PCDHGA2: variants seen among roughly 807,000 people sequenced by gnomAD.
PCDHGA2 encodes the protein protocadherin gamma subfamily A, 2.
In PCDHGA2, 40 loss-of-function variants were observed where a neutral mutation model predicts 59.2. That is an observed-to-expected ratio of 0.68 (90% CI 0.52 to 0.88). The LOEUF (loss-of-function observed/expected upper bound fraction) is 0.88, where lower values mean the gene tolerates loss of function less well. Among genes scored for constraint, PCDHGA2 ranks in the 40% least tolerant of loss-of-function variants. PCDHGA2 has a pLI of 0.00. For missense variants in PCDHGA2, 1,226 were observed against 1,204.0 expected, an observed-to-expected ratio of 1.02 and a Z score of -0.27; for synonymous variants, 560 against 526.0, an observed-to-expected ratio of 1.06 and a Z score of -0.89.
chr5:141,424,860 A>C (rs2154550951), intron 1 of PCDHGA2, among the ~76,000 whole-genome samples: 1 of 152,340 alleles, frequency 6.6e-6, no homozygotes. Flanking sequence ...TGTCTAGGAA[A>C]GCCAAATGAG....
intron 1 of PCDHGA2, among the ~76,000 whole-genome samples, chr5:141,483,913 C>G (rs988014158): frequency 6.7e-6 from 1 of 148,188 alleles, no homozygotes; most frequent in African/African-American, 2.5e-5. Context: ...GTTTCCCACT[C>G]AGATTGCAGG....
chr5:141,432,863 T>C lies in PCDHGA2; in HGVS notation c.2425-61944T>C, dbSNP rs762979829. On this transcript the variant is annotated intron_variant, in intron 1 of 3. Coordinates refer to ENST00000394576, the MANE Select transcript of PCDHGA2 (RefSeq NM_018915.4). This position sits in a 1 kb window ranked among gnomAD's most constrained non-coding sequence, Gnocchi z 6.0. ...GGTGGTAGCGGTGGCCGCGGTCTCCTGCGTCTTCCTGGCCTTCGTCATCTT... is the reference window on the plus strand; with the variant it reads ...GGTGGTAGCGGTGGCCGCGGTCTCCCGCGTCTTCCTGGCCTTCGTCATCTT... 20 of 1,614,192 alleles carry C rather than the reference T, an allele frequency of 1.2e-5. No individual in the cohort carries two copies. Among genetic ancestry groups the C allele is most frequent in the Admixed American group, 6.7e-5 (4 of 60,032 alleles).
chr5:141,475,935 C>CCCGT, intron 1 of PCDHGA2: 1 of 669,050 alleles, frequency 1.5e-6, no homozygotes, highest in Middle Eastern at 4.2e-4. Flanking sequence ...CGGGCCCCTG[C>CCCGT]CCGTCCCCTT....
chr5:141,421,854 C>CCTG (rs761444125), intron 1 of PCDHGA2: 2 of 1,613,762 alleles, frequency 1.2e-6, no homozygotes, highest in Non-Finnish European at 1.7e-6. Flanking sequence ...AGGCTGCTCA[C>CCTG]CTGCTCCTCC....
chr5:141,491,006 T>C lies in PCDHGA2; in HGVS notation c.2425-3801T>C. The C allele has an allele frequency of 6.2e-7, 1 of 1,614,062 alleles. No homozygotes were observed. Among genetic ancestry groups the C allele is most frequent in the Non-Finnish European group, 8.5e-7 (1 of 1,180,028 alleles). ...CGCTCTGCTCCTCCTGGCTCCTTGG[T>C]CACCAAGGTGACAGCCGTGGATGCT... On this transcript the variant is annotated intron_variant, in intron 1 of 3. Transcript: ENST00000394576. This position sits in a 1 kb window ranked among gnomAD's most constrained non-coding sequence, Gnocchi z 6.9.
In PCDHGA2 at chr5:141,376,747, C is replaced by A. The variant is rs532627412; in HGVS notation, c.2424+35352C>A. 2,536 of 471,218 alleles carry A rather than the reference C, an allele frequency of 5.4e-3. 48 individuals carry two copies. The highest frequency in any genetic ancestry group is 0.052 in the African/African-American group (2,354 of 45,460). The allele number at this position is 471,218 out of a possible 1,614,324, so 29.2% of individuals were successfully genotyped here. ...CAGGCCGGACTGCGGACTGCAGTGG[C>A]GCAATCTCGGCTCACTGCAAGCTCC... On this transcript the variant is annotated intron_variant, in intron 1 of 3. Transcript: ENST00000394576.
Position 141,339,586 on chromosome 5 carries a change from G to A in PCDHGA2, c.615G>A (p.Glu205=). Residue 205 remains glutamate (E), a synonymous_variant, in exon 1 of 4, where the codon GAG becomes GAA. Transcript: ENST00000394576. ...VLERSLDREE[E]AVHHLVLVAS... is the part of the protein sequence containing the mutation. The stretch of plus-strand genomic sequence containing the variant: ...AGCGCTCTCTGGACCGCGAGGAAGA[G>A]GCTGTTCACCACCTCGTTCTCGTGG... 3.7e-6 allele frequency: 6 copies of A among 1,614,190 alleles called. No homozygotes were observed. Among genetic ancestry groups the A allele is most frequent in the East Asian group, 2.2e-5 (1 of 44,876 alleles).
At chr5:141,349,617 A>G (rs975826979) in intron 1 of PCDHGA2, among the ~76,000 whole-genome samples, 2 of 152,172 alleles carry the variant, frequency 1.3e-5, no homozygotes, top group African/African-American at 4.8e-5. Flanking sequence ...GTATTACTGA[A>G]TTGATAACAT....
chr5:141,376,156 G>C, intron 1 of PCDHGA2: 2 of 1,614,074 alleles, frequency 1.2e-6, no homozygotes, highest in South Asian at 1.1e-5. Context: ...ACCTCACTCT[G>C]TACCTGGTGG....
At chr5:141,427,059 G>C (rs751016646) in intron 1 of PCDHGA2, 1 of 457,744 alleles carries the variant, frequency 2.2e-6, no homozygotes, top group South Asian at 1.5e-5. Context: ...AGGCACCTCT[G>C]TACTAAAGGT....
intron 1 of PCDHGA2, among the ~76,000 whole-genome samples, chr5:141,407,487 C>T (rs928735518): frequency 7.0e-6 from 1 of 142,894 alleles, no homozygotes; most frequent in African/African-American, 2.6e-5. Context: ...TATGGAAAAT[C>T]TTTATTTCTG....
At chr5:141,377,663 A>C (rs1774232971) in intron 1 of PCDHGA2, 1 of 152,130 alleles carries the variant, frequency 6.6e-6, no homozygotes, top group African/African-American at 2.4e-5. Context: ...TAAACGACAG[A>C]CGTTCATACA....
At chr5:141,355,869 T>C (rs1354052065) in intron 1 of PCDHGA2, 5 of 1,613,064 alleles carry the variant, frequency 3.1e-6, no homozygotes, top group South Asian at 1.1e-5. Context: ...CGGTTCGCTC[T>C]GGCACTGCCA....
chr5:141,390,231 T>C, intron 1 of PCDHGA2: 1 of 1,614,086 alleles, frequency 6.2e-7, no homozygotes, highest in South Asian at 1.1e-5. Flanking sequence ...CGGTGATTCA[T>C]CTGGGGCCTT....
At position 141,476,402 on chromosome 5, in the gene PCDHGA2, G is replaced by A. The variant is rs775511298; in HGVS notation, c.2425-18405G>A. The stretch of plus-strand genomic sequence containing the variant: ...TGTGAACGACCGTCTGGATCGAGAG[G>A]AGCTGTGTGGGACACTGCCCTCTTG... On this transcript the variant is annotated intron_variant, in intron 1 of 3. Coordinates refer to ENST00000394576, the MANE Select transcript of PCDHGA2 (RefSeq NM_018915.4). This position sits in a 1 kb window ranked among gnomAD's most constrained non-coding sequence, Gnocchi z 7.6. 9 of 1,613,992 alleles carry A rather than the reference G, an allele frequency of 5.6e-6. No individual in the cohort carries two copies. Among genetic ancestry groups the A allele is most frequent in the African/African-American group, 1.3e-5 (1 of 74,904 alleles).
chr5:141,414,752 ATG>A, intron 1 of PCDHGA2: 2 of 1,614,228 alleles, frequency 1.2e-6, no homozygotes, highest in Non-Finnish European at 1.7e-6. Context: ...TCCTTCGACT[ATG>A]AGCAGTTTCA....
In PCDHGA2 at chr5:141,491,786, C is replaced by T; in HGVS notation, c.2425-3021C>T. The stretch of plus-strand genomic sequence containing the variant: ...CCTCATAAGGGATTGAACTTGCATC[C>T]ACTCCTCTCCGGCCGGCTTGGTCGC... On this transcript the variant is annotated intron_variant, in intron 1 of 3. Coordinates refer to ENST00000394576, the MANE Select transcript of PCDHGA2 (RefSeq NM_018915.4). This position sits in a 1 kb window ranked among gnomAD's most constrained non-coding sequence, Gnocchi z 6.9. The T allele has an allele frequency of 1.3e-6, 2 of 1,529,640 alleles. No individual in the cohort carries two copies. The highest frequency in any genetic ancestry group is 2.5e-5 in the South Asian group (2 of 80,832). The allele number at this position is 1,529,640 out of a possible 1,614,324, so 94.8% of individuals were successfully genotyped here.
chr5:141,468,419 G>A (rs1733006381), intron 1 of PCDHGA2: 1 of 151,826 alleles, frequency 6.6e-6, no homozygotes, highest in Admixed American at 6.6e-5. Flanking sequence ...AAGTTAGATA[G>A]CAAGGTAATA....
At chr5:141,394,764 C>T in intron 1 of PCDHGA2, 3 of 1,613,450 alleles carry the variant, frequency 1.9e-6, no homozygotes, top group Middle Eastern at 1.6e-4. Flanking sequence ...GGACCATGGC[C>T]AGCCCCCTCT....
Sources: allele counts gnomAD v4.1 joint callset (sites outside exome capture counted in the v4.1 genomes callset), GRCh38; gene constraint gnomAD v4.1.1; non-coding constraint Gnocchi (gnomAD v3.1); transcripts MANE v1.5; gene names NCBI Gene and HGNC (gene_info 2026-07-23, HGNC 2026-07-21).